Variants in PKNOX2 observed in about 807,000 individuals in gnomAD.
PKNOX2 encodes the protein homeobox protein PKNOX2.
PKNOX2 carries 14 observed loss-of-function variants against 53.1 expected under a neutral mutation model. The ratio of observed to expected loss-of-function variants is 0.26; its 90% CI spans 0.17 to 0.41. The LOEUF is 0.41. Among genes scored for constraint, PKNOX2 ranks in the 10% least tolerant of loss-of-function variants. The probability of loss-of-function intolerance (pLI) is 1.00; values close to 1 mark genes in which losing one functional copy is unlikely to be tolerated. For synonymous variants in PKNOX2, 257 were observed against 242.8 expected, an observed-to-expected ratio of 1.06 and a Z score of -0.54; for missense variants, 496 against 602.8, an observed-to-expected ratio of 0.82 and a Z score of 1.85.
In PKNOX2 at chr11:125,422,389, C is replaced by T. The variant is rs79612820; in HGVS notation, c.937-6623C>T. Among the ~76,000 whole-genome samples the T allele has an allele frequency of 6.2e-3, 938 of 152,264 alleles. 6 individuals carry two copies. The highest frequency in any genetic ancestry group is 0.022 in the African/African-American group (897 of 41,540). On this transcript the variant is annotated intron_variant, in intron 10 of 12. Coordinates refer to ENST00000298282, the MANE Select transcript of PKNOX2 (RefSeq NM_001382323.2). This position sits in a 1 kb window ranked among gnomAD's most constrained non-coding sequence, Gnocchi z 4.1. ...GAAATCTTAGACCTCAGACTCCTGC[C>T]TGTGGGGTGAGAGTGTTTTCTCCAC...
chr11:125,333,540 A>G (rs1338979729), intron 3 of PKNOX2, among the ~76,000 whole-genome samples: 1 of 139,158 alleles, frequency 7.2e-6, no homozygotes, highest in Non-Finnish European at 1.5e-5. Flanking sequence ...CCCAAGACAC[A>G]CACACACATA....
chr11:125,225,155 C>T (rs992499319), intron 1 of PKNOX2, among the ~76,000 whole-genome samples: 6 of 152,190 alleles, frequency 3.9e-5, no homozygotes. Flanking sequence ...GTGCCTGCCC[C>T]AAAGGGGAGT....
intron 2 of PKNOX2, among the ~76,000 whole-genome samples, chr11:125,309,446 G>T (rs1948673763): frequency 6.8e-6 from 1 of 147,164 alleles, no homozygotes; most frequent in African/African-American, 2.5e-5. Context: ...TAAGTGCAAT[G>T]GTTCGATCTC....
At chr11:125,384,457 G>A (rs535427838) in intron 5 of PKNOX2, among the ~76,000 whole-genome samples, 3 of 152,268 alleles carry the variant, frequency 2.0e-5, no homozygotes, top group Non-Finnish European at 2.9e-5. Context: ...AGGCTGAGAC[G>A]GGCGGATCAC....
At chr11:125,181,668 A>G (rs1237343718) in intron 1 of PKNOX2, among the ~76,000 whole-genome samples, 1 of 152,182 alleles carries the variant, frequency 6.6e-6, no homozygotes, top group African/African-American at 2.4e-5. Flanking sequence ...TGCTTGTGTC[A>G]TGGGGGCTTT....
chr11:125,423,845 C>A (rs565867710), intron 10 of PKNOX2, among the ~76,000 whole-genome samples: 1 of 152,274 alleles, frequency 6.6e-6, no homozygotes, highest in African/African-American at 2.4e-5. Flanking sequence ...TAGATTGACA[C>A]AGAAACCAGA....
chr11:125,349,014 C>G (rs1006054789), intron 3 of PKNOX2, among the ~76,000 whole-genome samples: 2 of 152,170 alleles, frequency 1.3e-5, no homozygotes, highest in Non-Finnish European at 2.9e-5. Flanking sequence ...GTGATCGATG[C>G]TCCCGGGAAG....
chr11:125,322,726 C>G (rs1307366851), intron 2 of PKNOX2, among the ~76,000 whole-genome samples: 1 of 152,204 alleles, frequency 6.6e-6, no homozygotes. Context: ...CCAGATCCCC[C>G]AGAGTGTGCA....
At chr11:125,191,125 A>T (rs1226553886) in intron 1 of PKNOX2, 10 of 152,334 alleles carry the variant, frequency 6.6e-5, no homozygotes, top group Admixed American at 6.5e-4. Context: ...TGGGACTGGA[A>T]AGATCCTTAT....
At chr11:125,214,809 T>A (rs1008095552) in intron 1 of PKNOX2, among the ~76,000 whole-genome samples, 1 of 151,974 alleles carries the variant, frequency 6.6e-6, no homozygotes, top group Non-Finnish European at 1.5e-5. Flanking sequence ...CACCTTGATG[T>A]GGACAGCTCA....
Position 125,175,624 on chromosome 11 carries a change from G to T in PKNOX2, c.-201+10848G>T, listed in dbSNP as rs1015959400. On this transcript the variant is annotated intron_variant, in intron 1 of 12. Transcript: ENST00000298282. ...CTGTAGACCCAAGAAGAAAAGTGAG[G>T]CTCAGAGAAGGTAAGAGAATTTGCC... 7.9e-5 allele frequency among the ~76,000 whole-genome samples: 12 copies of T among 152,334 alleles called. No individual in the cohort carries two copies. The South Asian group carries it at 2.1e-3, about 26-fold the overall frequency.
At chr11:125,193,485 T>C (rs1441786898) in intron 1 of PKNOX2, among the ~76,000 whole-genome samples, 1 of 152,218 alleles carries the variant, frequency 6.6e-6, no homozygotes, top group African/African-American at 2.4e-5. Flanking sequence ...CCAGTGTGCA[T>C]GTGTGCATAC....
At chr11:125,327,865 GC>G in intron 2 of PKNOX2, among the ~76,000 whole-genome samples, 1 of 152,242 alleles carries the variant, frequency 6.6e-6, no homozygotes, top group Non-Finnish European at 1.5e-5. Context: ...CTGAAGCGGT[GC>G]CCTGTGTGAG....
rs114556651 is a variant in PKNOX2 at position 125,321,516 on chromosome 11, G to A, written c.-129-10303G>A. ...AGGGAATAATGACAAGAAAAATGTC[G>A]GCACATGTTCAGTACAGATTAAATT... is the stretch of plus-strand genomic sequence containing the variant. On this transcript the variant is annotated intron_variant, in intron 2 of 12. Transcript: ENST00000298282. Among the ~76,000 whole-genome samples the A allele has an allele frequency of 3.0e-3, 451 of 152,174 alleles. 5 individuals carry two copies. Among genetic ancestry groups the A allele is most frequent in the African/African-American group, 9.5e-3 (396 of 41,506 alleles).
At chr11:125,220,502 G>A (rs1014496404) in intron 1 of PKNOX2, among the ~76,000 whole-genome samples, 6 of 152,102 alleles carry the variant, frequency 3.9e-5, no homozygotes, top group South Asian at 2.1e-4. Flanking sequence ...AGGCAGCATC[G>A]GAGATGGCTC....
At chr11:125,423,684 TAC>T in intron 10 of PKNOX2, among the ~76,000 whole-genome samples, 1 of 152,278 alleles carries the variant, frequency 6.6e-6, no homozygotes, top group East Asian at 1.9e-4. Flanking sequence ...GACAGGTAGC[TAC>T]ACAGACCCAA....
At chr11:125,394,173 T>C (rs1954250277) in intron 6 of PKNOX2, among the ~76,000 whole-genome samples, 1 of 152,210 alleles carries the variant, frequency 6.6e-6, no homozygotes, top group South Asian at 2.1e-4. Context: ...GTTAAGTACC[T>C]TATCCTGTGC....
chr11:125,385,729 A>T lies in PKNOX2; in HGVS notation c.399+7A>T, dbSNP rs1250651583. ...CCCAGAACTGGACAATCTGGTAAAG[A>T]CCCTCCACCCTCTACCCTGGCTAGA... On this transcript the variant is annotated splice_region_variant and intron_variant, in intron 6 of 12. Coordinates refer to ENST00000298282, the MANE Select transcript of PKNOX2 (RefSeq NM_001382323.2). The T allele has an allele frequency of 1.2e-6, 2 of 1,611,838 alleles. No homozygotes were observed. The highest frequency in any genetic ancestry group is 1.7e-6 in the Non-Finnish European group (2 of 1,179,214).
chr11:125,304,057 G>A (rs560383838), intron 2 of PKNOX2, among the ~76,000 whole-genome samples: 15 of 152,202 alleles, frequency 9.9e-5, no homozygotes, highest in South Asian at 4.2e-4. Flanking sequence ...CACAAGGGAC[G>A]TGGTTGGCAG....
Sources: gnomAD v4.1 joint callset for allele counts (sites outside exome capture counted in the v4.1 genomes callset) on GRCh38, gnomAD v4.1.1 for gene constraint, Gnocchi (gnomAD v3.1) non-coding constraint, MANE v1.5 for transcripts, NCBI Gene and HGNC (gene_info 2026-07-23, HGNC 2026-07-21) for gene names.